Variants in KCND2 observed in about 807,000 individuals in gnomAD.
The protein encoded by KCND2 is A-type voltage-gated potassium channel KCND2.
In KCND2, 16 loss-of-function variants were observed where a neutral mutation model predicts 54.4. The observed-to-expected ratio is 0.29, with a 90% CI of 0.20 to 0.45. KCND2 has a LOEUF of 0.45. Among genes scored for constraint, KCND2 ranks in the 20% least tolerant of loss-of-function variants. The probability of loss-of-function intolerance (pLI) is 1.00; values close to 1 mark genes in which losing one functional copy is unlikely to be tolerated. For missense variants in KCND2, 486 were observed against 824.2 expected (o/e 0.59, Z 5.02); for synonymous variants, 317 against 310.7 (o/e 1.02, Z -0.21).
At chr7:120,346,824 T>C (rs1199180417) in intron 1 of KCND2, among the ~76,000 whole-genome samples, 1 of 152,158 alleles carries the variant, frequency 6.6e-6, no homozygotes, top group Non-Finnish European at 1.5e-5. Context: ...CAGAAGCTTC[T>C]TTTAGACATT....
intron 1 of KCND2, among the ~76,000 whole-genome samples, chr7:120,518,809 A>G (rs960529808): frequency 6.6e-6 from 1 of 152,206 alleles, no homozygotes; most frequent in Non-Finnish European, 1.5e-5. Context: ...TGTCCTTTAC[A>G]TGACAAAAGG....
chr7:120,293,955 A>G (rs1799473327), intron 1 of KCND2, among the ~76,000 whole-genome samples: 1 of 152,066 alleles, frequency 6.6e-6, no homozygotes, highest in African/African-American at 2.4e-5. Context: ...TGTTACAACC[A>G]GCAATGACAA....
chr7:120,744,529 G>T (rs994283730), intron 4 of KCND2, among the ~76,000 whole-genome samples: 2 of 151,724 alleles, frequency 1.3e-5, no homozygotes, highest in Admixed American at 1.3e-4. Context: ...AATCTTTTGT[G>T]CACCATTTTT....
intron 1 of KCND2, among the ~76,000 whole-genome samples, chr7:120,678,311 C>G (rs1342471056): frequency 7.0e-6 from 1 of 143,224 alleles, no homozygotes; most frequent in Non-Finnish European, 1.5e-5. Context: ...GTTTATTAAT[C>G]CATGGAGCTC....
chr7:120,346,600 T>A (rs1346720621), intron 1 of KCND2, among the ~76,000 whole-genome samples: 3 of 152,112 alleles, frequency 2.0e-5, no homozygotes, highest in Non-Finnish European at 4.4e-5. Flanking sequence ...AAACTGTATA[T>A]TTATGTCTAA....
At chr7:120,478,504 C>T (rs1802561679) in intron 1 of KCND2, among the ~76,000 whole-genome samples, 1 of 151,982 alleles carries the variant, frequency 6.6e-6, no homozygotes, top group South Asian at 2.1e-4. Context: ...TCCAAAGGCC[C>T]ATAGAAAGAG....
At chr7:120,559,965 G>A (rs954335239) in intron 1 of KCND2, among the ~76,000 whole-genome samples, 2 of 152,146 alleles carry the variant, frequency 1.3e-5, no homozygotes, top group African/African-American at 4.8e-5. Flanking sequence ...CAATGCTAAC[G>A]TAAAATAGAT....
At chr7:120,378,764 G>T (rs765328037) in intron 1 of KCND2, among the ~76,000 whole-genome samples, 3 of 151,792 alleles carry the variant, frequency 2.0e-5, no homozygotes, top group Non-Finnish European at 4.4e-5. Context: ...CAAAAATCTG[G>T]CAAGAATAAT....
intron 1 of KCND2, among the ~76,000 whole-genome samples, chr7:120,362,844 C>T (rs1800611631): frequency 6.6e-6 from 1 of 151,900 alleles, no homozygotes; most frequent in Admixed American, 6.6e-5. Context: ...TTCTGTTTTT[C>T]CGTTGACCAC....
intron 1 of KCND2, among the ~76,000 whole-genome samples, chr7:120,386,765 T>C (rs1423357859): frequency 6.6e-6 from 1 of 152,158 alleles, no homozygotes; most frequent in Non-Finnish European, 1.5e-5. Context: ...CTTTATTGTC[T>C]TAACCTTCTT....
chr7:120,431,177 G>A (rs1395903205), intron 1 of KCND2, among the ~76,000 whole-genome samples: 1 of 152,136 alleles, frequency 6.6e-6, no homozygotes, highest in African/African-American at 2.4e-5. Flanking sequence ...TTAGTAAAAG[G>A]TAAAGAGGCC....
intron 1 of KCND2, among the ~76,000 whole-genome samples, chr7:120,377,392 G>A (rs1337942398): frequency 6.6e-6 from 1 of 151,852 alleles, no homozygotes; most frequent in African/African-American, 2.4e-5. Context: ...ACCAGAAAGA[G>A]TTTGTGGTGA....
chr7:120,527,417 C>CATCTCT (rs1791790288), intron 1 of KCND2, among the ~76,000 whole-genome samples: 1 of 152,120 alleles, frequency 6.6e-6, no homozygotes, highest in Non-Finnish European at 1.5e-5. Context: ...CGGTACACTA[C>CATCTCT]ATCTCTAGTG....
rs1451324275 is a variant in KCND2 at position 120,273,420 on chromosome 7, A to C, written c.-1213A>C. On this transcript the variant is annotated 5_prime_UTR_variant, in exon 1 of 6. Transcript: ENST00000331113. ...AACGCCGCCCGCCCGGCCGCCCCGCAGCCCCGCCGCCCCGCAGCCCCGCAC... is the reference window on the plus strand; with the variant it reads ...AACGCCGCCCGCCCGGCCGCCCCGCCGCCCCGCCGCCCCGCAGCCCCGCAC... Among the ~76,000 whole-genome samples the C allele has an allele frequency of 3.5e-5, 5 of 141,118 alleles. No homozygotes were observed. Among genetic ancestry groups the C allele is most frequent in the Non-Finnish European group, 4.7e-5 (3 of 64,254 alleles). The allele number at this position is 141,118 out of a possible 152,430, so 92.6% of individuals were successfully genotyped here. A position where few individuals can be genotyped will look rare whatever the true frequency, so the allele number is the denominator to read the frequency against.
At chr7:120,351,436 A>T (rs931555327) in intron 1 of KCND2, among the ~76,000 whole-genome samples, 1 of 133,468 alleles carries the variant, frequency 7.5e-6, no homozygotes, top group Non-Finnish European at 1.6e-5. Context: ...TCTCTCTCTC[A>T]CATTGCAAGG....
At chr7:120,285,443 T>G (rs1277347570) in intron 1 of KCND2, among the ~76,000 whole-genome samples, 1 of 152,020 alleles carries the variant, frequency 6.6e-6, no homozygotes, top group Non-Finnish European at 1.5e-5. Flanking sequence ...TTGTCTATTT[T>G]ATTAGAACAT....
chr7:120,348,826 T>G (rs1800361379), intron 1 of KCND2, among the ~76,000 whole-genome samples: 1 of 152,192 alleles, frequency 6.6e-6, no homozygotes, highest in Non-Finnish European at 1.5e-5. Context: ...AAAGTATTTG[T>G]TTTACTGTTG....
intron 1 of KCND2, among the ~76,000 whole-genome samples, chr7:120,485,180 A>C (rs1291318932): frequency 1.3e-5 from 2 of 152,166 alleles, no homozygotes; most frequent in Non-Finnish European, 2.9e-5. Flanking sequence ...GAGTGACTGC[A>C]CCCAGCCTCA....
At chr7:120,305,280 C>T (rs968106150) in intron 1 of KCND2, among the ~76,000 whole-genome samples, 3 of 152,046 alleles carry the variant, frequency 2.0e-5, no homozygotes, top group Non-Finnish European at 2.9e-5. Flanking sequence ...CCAAGTTTAA[C>T]CAGACATAAA....
Sources: allele counts gnomAD v4.1 joint callset (sites outside exome capture counted in the v4.1 genomes callset), GRCh38; gene constraint gnomAD v4.1.1; transcripts MANE v1.5; gene names NCBI Gene and HGNC (gene_info 2026-07-23, HGNC 2026-07-21).